The following LINGO2 variants were observed in gnomAD, a reference collection of about 807,000 sequenced individuals.
LINGO2 encodes leucine-rich repeat and immunoglobulin-like domain-containing nogo receptor-interacting protein 2.
LINGO2 carries 14 observed loss-of-function variants against 30.6 expected under a neutral mutation model. The ratio of observed to expected loss-of-function variants is 0.46; its 90% CI spans 0.30 to 0.72. LINGO2 has a LOEUF of 0.72. Ranked by LOEUF, LINGO2 falls within the 30% of genes least tolerant of loss-of-function variation. The probability of loss-of-function intolerance (pLI) is 0.07; values close to 1 mark genes in which losing one functional copy is unlikely to be tolerated. For synonymous variants in LINGO2, 317 were observed against 288.5 expected, an observed-to-expected ratio of 1.10 and a Z score of -1.00; for missense variants, 729 against 751.7, an observed-to-expected ratio of 0.97 and a Z score of 0.35.
the LINGO2 span, among the ~76,000 whole-genome samples, chr9:29,023,318 T>C: frequency 1.3e-5 from 2 of 152,166 alleles, no homozygotes; most frequent in Non-Finnish European, 2.9e-5. Context: ...AAAGAGGACA[T>C]TTATGTTACA....
chr9:28,753,670 T>C, the LINGO2 span, among the ~76,000 whole-genome samples: 1 of 151,930 alleles, frequency 6.6e-6, no homozygotes, highest in Non-Finnish European at 1.5e-5. Context: ...AGAGAGCATT[T>C]GGAAAAGTAA....
chr9:28,325,029 T>C (rs558264250), intron 3 of LINGO2, among the ~76,000 whole-genome samples: 1 of 151,908 alleles, frequency 6.6e-6, no homozygotes, highest in African/African-American at 2.4e-5. Flanking sequence ...CTTCCACGTA[T>C]CTCTCTTTCA....
the LINGO2 span, among the ~76,000 whole-genome samples, chr9:28,701,165 A>C: frequency 6.6e-6 from 1 of 151,756 alleles, no homozygotes; most frequent in Non-Finnish European, 1.5e-5. Context: ...TTTTAATCAA[A>C]CCCAGATTAT....
intron 4 of LINGO2, among the ~76,000 whole-genome samples, chr9:28,282,415 T>G (rs1823360011): frequency 6.6e-6 from 1 of 151,980 alleles, no homozygotes; most frequent in Non-Finnish European, 1.5e-5. Context: ...AGGATAGTTT[T>G]TTTTTTTTTG....
chr9:28,636,577 A>G (rs938236270), intron 1 of LINGO2, among the ~76,000 whole-genome samples: 16 of 152,156 alleles, frequency 1.1e-4, no homozygotes, highest in African/African-American at 3.9e-4. Flanking sequence ...ATGGCCAGTG[A>G]GGATAAGCAT....
chr9:28,404,001 A>AT (rs995267546), intron 2 of LINGO2, among the ~76,000 whole-genome samples: 3 of 151,830 alleles, frequency 2.0e-5, no homozygotes, highest in African/African-American at 7.3e-5. Flanking sequence ...GTCTTTACCT[A>AT]TTTTTTTATA....
the LINGO2 span, among the ~76,000 whole-genome samples, chr9:29,195,586 T>C: frequency 6.6e-6 from 1 of 152,080 alleles, no homozygotes; most frequent in Non-Finnish European, 1.5e-5. Flanking sequence ...GTTTCCCTTT[T>C]CTCCACAACT....
chr9:28,164,614 C>A (rs532522110), intron 4 of LINGO2, among the ~76,000 whole-genome samples: 1 of 152,196 alleles, frequency 6.6e-6, no homozygotes, highest in South Asian at 2.1e-4. Context: ...CTTGAGAGTA[C>A]AAAGGAAGCA....
chr9:28,889,724 T>C, the LINGO2 span, among the ~76,000 whole-genome samples: 2 of 152,064 alleles, frequency 1.3e-5, no homozygotes, highest in Admixed American at 6.6e-5. Context: ...GCTCCTAACA[T>C]TGAAACTTAT....
intron 4 of LINGO2, among the ~76,000 whole-genome samples, chr9:28,016,511 T>A (rs188794930): frequency 3.8e-4 from 57 of 151,822 alleles, no homozygotes; most frequent in Non-Finnish European, 6.9e-4. Context: ...AAGACAAATT[T>A]CCCACAGAAA....
At chr9:28,896,128 A>C in the LINGO2 span, among the ~76,000 whole-genome samples, 1 of 152,180 alleles carries the variant, frequency 6.6e-6, no homozygotes, top group Non-Finnish European at 1.5e-5. Flanking sequence ...AGAAGAATAG[A>C]GGACAGGCTG....
chr9:28,718,178 G>GA, the LINGO2 span, among the ~76,000 whole-genome samples: 272 of 141,832 alleles, frequency 1.9e-3, no homozygotes, highest in African/African-American at 4.9e-3. Flanking sequence ...AAGTATAAAG[G>GA]AAAAAAAAAA....
At chr9:28,038,273 G>A (rs534620365) in intron 4 of LINGO2, among the ~76,000 whole-genome samples, 8 of 152,230 alleles carry the variant, frequency 5.3e-5, no homozygotes, top group South Asian at 4.1e-4. Flanking sequence ...ACCACTATGA[G>A]ACCAGAAGGG....
rs575600790 is a variant in LINGO2 at position 28,384,435 on chromosome 9, T to C, written c.-278-11567A>G. Among the ~76,000 whole-genome samples, 42 of 151,398 alleles carry C rather than the reference T, an allele frequency of 2.8e-4. 1 individual carries two copies. Among genetic ancestry groups the C allele is most frequent in the Admixed American group, 1.5e-3 (22 of 15,160 alleles). On this transcript the variant is annotated intron_variant, in intron 2 of 5. Coordinates refer to ENST00000379992, the Ensembl canonical transcript of LINGO2. ...GGACATTTTTTCAGTTAACATTTTA[T>C]TGTAGTTATTGATACGTTTTGATAT...
the LINGO2 span, among the ~76,000 whole-genome samples, chr9:28,854,613 A>G: frequency 6.6e-6 from 1 of 152,008 alleles, no homozygotes; most frequent in Non-Finnish European, 1.5e-5. Context: ...AGATAAGAAT[A>G]AAGTTACCTC....
the LINGO2 span, among the ~76,000 whole-genome samples, chr9:28,871,701 A>G: frequency 6.6e-6 from 1 of 151,974 alleles, no homozygotes; most frequent in African/African-American, 2.4e-5. Context: ...GGAGCAATCT[A>G]CTGAAAACAC....
chr9:28,828,536 G>T, the LINGO2 span, among the ~76,000 whole-genome samples: 1 of 144,320 alleles, frequency 6.9e-6, no homozygotes, highest in Non-Finnish European at 1.6e-5. Context: ...TACATTTGTA[G>T]TTCAAGGAAG....
the LINGO2 span, among the ~76,000 whole-genome samples, chr9:29,037,302 T>A: frequency 1.3e-5 from 2 of 151,890 alleles, no homozygotes; most frequent in Non-Finnish European, 2.9e-5. Flanking sequence ...CAGTGCCAAA[T>A]AATTGGAAAT....
At chr9:28,286,173 G>A (rs1260404839) in intron 4 of LINGO2, among the ~76,000 whole-genome samples, 1 of 152,186 alleles carries the variant, frequency 6.6e-6, no homozygotes, top group Non-Finnish European at 1.5e-5. Context: ...AGAGGATAAA[G>A]TAGCATTATC....
Sources: gnomAD v4.1 joint callset for allele counts (sites outside exome capture counted in the v4.1 genomes callset) on GRCh38, gnomAD v4.1.1 for gene constraint, MANE v1.5 for transcripts, NCBI Gene and HGNC (gene_info 2026-07-23, HGNC 2026-07-21) for gene names.